The following FBXO31 variants were observed in gnomAD, a reference collection of about 807,000 sequenced individuals.
FBXO31 encodes the protein F-box only protein 31.
Under a neutral mutation model 54.4 loss-of-function variants are expected in FBXO31, and 24 were observed. That is an observed-to-expected ratio of 0.44 (90% CI 0.32 to 0.62). The LOEUF is 0.62. Ranked by LOEUF, FBXO31 falls within the 20% of genes least tolerant of loss-of-function variation. FBXO31 has a pLI of 0.05. For synonymous variants in FBXO31, 388 were observed against 335.6 expected, an observed-to-expected ratio of 1.16 and a Z score of -1.71; for missense variants, 665 against 787.1, an observed-to-expected ratio of 0.84 and a Z score of 1.86.
intron 1 of FBXO31, among the ~76,000 whole-genome samples, chr16:87,369,597 C>T (rs1227122426): frequency 6.6e-6 from 1 of 152,188 alleles, no homozygotes; most frequent in African/African-American, 2.4e-5. Context: ...TGGGATGGCT[C>T]CGCCTTTTGG....
intron 2 of FBXO31, among the ~76,000 whole-genome samples, chr16:87,357,566 G>A (rs985350796): frequency 1.3e-5 from 2 of 152,044 alleles, no homozygotes; most frequent in African/African-American, 4.8e-5. Flanking sequence ...GACCTCAGAT[G>A]ATCCACCTGC....
chr16:87,373,968 G>A (rs1003401979), intron 1 of FBXO31, among the ~76,000 whole-genome samples: 4 of 152,152 alleles, frequency 2.6e-5, no homozygotes, highest in Non-Finnish European at 5.9e-5. Context: ...TGAAGGCCGG[G>A]CATGGTGGTT....
Position 87,334,043 on chromosome 16 carries a change from T to C in FBXO31, c.1240A>G (p.Lys414Glu). ...TCACCAGGTGTCCCATCTGGGCCCTTGCTGGGCGCCTCTGCCCTGGGCTGG... is the reference window on the plus strand; with the variant it reads ...TCACCAGGTGTCCCATCTGGGCCCTCGCTGGGCGCCTCTGCCCTGGGCTGG... ...PAQPRAEAPSKGPDGTPGEDG... is the reference protein window; with the variant it reads ...PAQPRAEAPSEGPDGTPGEDG... The change falls in exon 8 of 9, where the codon AAG becomes GAG. Residue 414 changes from lysine to glutamate, a missense_variant. Transcript: ENST00000311635. 2.5e-6 allele frequency: 4 copies of C among 1,612,472 alleles called. No individual in the cohort carries two copies. The highest frequency in any genetic ancestry group is 2.5e-6 in the Non-Finnish European group (3 of 1,179,652).
Position 87,383,483 on chromosome 16 carries a change from G to T in FBXO31, c.262C>A (p.Pro88Thr), listed in dbSNP as rs778351568. 3 of 1,591,404 alleles carry T rather than the reference G, an allele frequency of 1.9e-6. No homozygotes were observed. The Admixed American group carries it at 5.2e-5, about 27-fold the overall frequency. Residue 88 changes from proline (P) to threonine (T), a missense_variant, in exon 1 of 9, where the codon CCC becomes ACC. Pro to Thr is a conservative substitution (Grantham distance 38). Around this residue, in one of 4 missense-constraint regions of FBXO31, gnomAD observed 195 missense variants for 174.8 expected, o/e 1.12. Coordinates refer to ENST00000311635, the MANE Select transcript of FBXO31 (RefSeq NM_024735.5). This position sits in a 1 kb window ranked among gnomAD's most constrained non-coding sequence, Gnocchi z 4.9. ...TTCGTGCAGACCTGGGCCAAGCTGG[G>T]TAGGTCCGTGCCCGGCAGCGACGCG... The part of the protein sequence containing the change: ...IFASLPGTDL[P>T]SLAQVCTKFR...
rs988535905 is a variant in FBXO31 at position 87,338,773 on chromosome 16, G to C, written c.733-2509C>G. On this transcript the variant is annotated intron_variant, in intron 5 of 8. Coordinates refer to ENST00000311635, the MANE Select transcript of FBXO31 (RefSeq NM_024735.5). This position sits in a 1 kb window ranked among gnomAD's most constrained non-coding sequence, Gnocchi z 4.3. ...CTGGCCCCTCCAACCTCCCTGGGCA[G>C]ACAGGACTCCACTCCCTTGGAACCT... Among the ~76,000 whole-genome samples, 38 of 152,254 alleles carry C rather than the reference G, an allele frequency of 2.5e-4. No homozygotes were observed. The highest frequency in any genetic ancestry group is 8.7e-4 in the African/African-American group (36 of 41,552).
chr16:87,329,010 C>T lies in FBXO31; in HGVS notation c.*2278G>A, dbSNP rs1302145292. On this transcript the variant is annotated 3_prime_UTR_variant, in exon 9 of 9. Transcript: ENST00000311635. Reference sequence around the variant, plus strand: ...CCCTGAGAGGGTGGATGCCCTCCCCCGGAAGGGAAGCTGCTGTTTTGAGGC... The same window carrying T: ...CCCTGAGAGGGTGGATGCCCTCCCCTGGAAGGGAAGCTGCTGTTTTGAGGC... The T allele has an allele frequency of 6.6e-6, 1 of 152,262 alleles. No homozygotes were observed. The highest frequency in any genetic ancestry group is 2.4e-5 in the African/African-American group (1 of 41,470). The allele number at this position is 152,262 out of a possible 1,614,324, so 9.4% of individuals were successfully genotyped here. A position where few individuals can be genotyped will look rare whatever the true frequency, so the allele number is the denominator to read the frequency against.
At chr16:87,349,039 A>C (rs1567618938) in intron 2 of FBXO31, among the ~76,000 whole-genome samples, 1 of 152,248 alleles carries the variant, frequency 6.6e-6, no homozygotes, top group Non-Finnish European at 1.5e-5. Context: ...AAACATTCAT[A>C]CATGGGGAGA....
intron 1 of FBXO31, among the ~76,000 whole-genome samples, chr16:87,362,827 G>T (rs1035125289): frequency 6.6e-6 from 1 of 152,216 alleles, no homozygotes; most frequent in Non-Finnish European, 1.5e-5. Flanking sequence ...AAAGTGCTGG[G>T]ATTACAGGCG....
Position 87,336,200 on chromosome 16 carries a change from A to G in FBXO31, c.797T>C (p.Met266Thr). Residue 266 changes from methionine (M) to threonine (T), a missense_variant, in exon 6 of 9, where the codon ATG becomes ACG. This residue lies in a region of FBXO31 where 234 missense variants were observed against 346.8 expected (regional missense o/e 0.67). Transcript: ENST00000311635. This position sits in a 1 kb window ranked among gnomAD's most constrained non-coding sequence, Gnocchi z 6.5. ...GAACTTCATCAGGATGAGCTCCTGC[A>G]TGTGCTCGTGGAAGATGTCCTCCAG... is the stretch of plus-strand genomic sequence containing the variant. ...RTLEDIFHEH[M>T]QELILMKFIY... 2 of 1,614,172 alleles carry G rather than the reference A, an allele frequency of 1.2e-6. No individual in the cohort carries two copies. Among genetic ancestry groups the G allele is most frequent in the Non-Finnish European group, 1.7e-6 (2 of 1,180,028 alleles).
chr16:87,356,062 C>G (rs2150683127), intron 2 of FBXO31, among the ~76,000 whole-genome samples: 1 of 152,108 alleles, frequency 6.6e-6, no homozygotes, highest in South Asian at 2.1e-4. Flanking sequence ...AACCCTGTCT[C>G]TACTAAAAAT....
At chr16:87,380,716 T>C (rs1325740716) in intron 1 of FBXO31, among the ~76,000 whole-genome samples, 2 of 152,226 alleles carry the variant, frequency 1.3e-5, no homozygotes, top group Non-Finnish European at 2.9e-5. Flanking sequence ...AACAAGATGC[T>C]TTCATTCTAC....
chr16:87,372,586 A>G (rs7187315), intron 1 of FBXO31, among the ~76,000 whole-genome samples: 151,355 of 152,164 alleles, frequency 0.99, 75,284 homozygotes, highest in Middle Eastern at 1. Context: ...TTAGAGGTAG[A>G]GTCTCACTCC....
Position 87,345,438 on chromosome 16 carries a change from T to C in FBXO31, c.490-1673A>G, listed in dbSNP as rs1368136997. Reference sequence around the variant, plus strand: ...CACGCAGAGCCCGCAGAGCACCACCTCCTCACCCCACAGGGACACCTGCAA... The same window carrying C: ...CACGCAGAGCCCGCAGAGCACCACCCCCTCACCCCACAGGGACACCTGCAA... On this transcript the variant is annotated intron_variant, in intron 3 of 8. Transcript: ENST00000311635. This position sits in a 1 kb window ranked among gnomAD's most constrained non-coding sequence, Gnocchi z 4.9. 6.6e-6 allele frequency among the ~76,000 whole-genome samples: 1 copy of C among 152,036 alleles called. No homozygotes were observed. Among genetic ancestry groups the C allele is most frequent in the Non-Finnish European group, 1.5e-5 (1 of 67,986 alleles).
intron 4 of FBXO31, 47 bp from the exon 5 acceptor site, chr16:87,342,998 C>A: frequency 6.6e-7 from 1 of 1,526,446 alleles, no homozygotes. Flanking sequence ...GGAACAGAGT[C>A]CATCACAGCA....
chr16:87,354,483 C>T (rs975939933), intron 2 of FBXO31, among the ~76,000 whole-genome samples: 2 of 151,276 alleles, frequency 1.3e-5, no homozygotes, highest in African/African-American at 2.4e-5. Context: ...AAAAAAAACC[C>T]AAAAATGCAC....
intron 2 of FBXO31, among the ~76,000 whole-genome samples, chr16:87,356,324 C>T (rs149684673): frequency 6.6e-6 from 1 of 152,160 alleles, no homozygotes; most frequent in Non-Finnish European, 1.5e-5. Context: ...ACTAAGTCGA[C>T]TGTTCCCTCC....
At chr16:87,349,687 G>A (rs547826904) in intron 2 of FBXO31, among the ~76,000 whole-genome samples, 198 of 151,622 alleles carry the variant, frequency 1.3e-3, no homozygotes, top group African/African-American at 4.2e-3. Flanking sequence ...TCCAGCCTGG[G>A]CAACAGAGCA....
rs116360938 is a variant in FBXO31 at position 87,360,444 on chromosome 16, G to C, written c.341-78C>G. 859 of 1,266,760 alleles carry C rather than the reference G, an allele frequency of 6.8e-4. 1 individual carries two copies. In the African/African-American group the frequency reaches 0.012, roughly 17 times the overall value. 78.5% of individuals were successfully genotyped at this position (1,266,760 alleles called of 1,614,324 possible). On this transcript the variant is annotated intron_variant, in intron 1 of 8. Transcript: ENST00000311635. ...AGACGTGGGCAGGCTGCTGATGGCTGGCAGGGGAGGTGCACACCTAGCCTC... is the reference window on the plus strand; with the variant it reads ...AGACGTGGGCAGGCTGCTGATGGCTCGCAGGGGAGGTGCACACCTAGCCTC...
At chr16:87,344,264 G>A (rs534146895) in intron 3 of FBXO31, among the ~76,000 whole-genome samples, 7 of 152,384 alleles carry the variant, frequency 4.6e-5, no homozygotes, top group Admixed American at 2.0e-4. Context: ...GAAATGCCAC[G>A]GGCCTGGGAT....
Sources: gnomAD v4.1 joint callset for allele counts (sites outside exome capture counted in the v4.1 genomes callset) on GRCh38, gnomAD v4.1.1 for gene constraint, gnomAD v4.1.1 regional missense constraint, Gnocchi (gnomAD v3.1) non-coding constraint, MANE v1.5 for transcripts, NCBI Gene and HGNC (gene_info 2026-07-23, HGNC 2026-07-21) for gene names.